COL5A1: variants seen among roughly 807,000 people sequenced by gnomAD.
COL5A1 encodes collagen alpha-1(V) chain.
In COL5A1, 16 loss-of-function variants were observed where a neutral mutation model predicts 263.7. That is an observed-to-expected ratio of 0.06 (90% confidence interval 0.04 to 0.09). The LOEUF is 0.09. COL5A1 is among the 10% of genes least tolerant of loss of function. The pLI, the probability that COL5A1 is intolerant of heterozygous loss-of-function variation, is 1.00. For missense variants in COL5A1, 2,036 were observed against 2,540.5 expected (o/e 0.80, Z 4.27); for synonymous variants, 1,012 against 1,004.5 (o/e 1.01, Z -0.14).
At position 134,715,874 on chromosome 9, in the gene COL5A1, ATC is replaced by A. The variant is rs563175460; in HGVS notation, c.655-11386_655-11385del. Among the ~76,000 whole-genome samples, 446 of 152,252 alleles carry A rather than the reference ATC, an allele frequency of 2.9e-3. 1 individual carries two copies. Among genetic ancestry groups the A allele is most frequent in the African/African-American group, 0.01 (432 of 41,552 alleles). On this transcript the variant is annotated intron_variant, in intron 4 of 65. Transcript: ENST00000371817. ...TCTACATAGACACAGCAACAGTCTG[ATC>A]TCTCTTTCTTTTCCCCACAATTCTG... is the stretch of plus-strand genomic sequence containing the variant.
intron 46 of COL5A1, among the ~76,000 whole-genome samples, chr9:134,811,957 C>T (rs896943077): frequency 1.1e-4 from 17 of 152,160 alleles, no homozygotes; most frequent in Admixed American, 7.9e-4. Context: ...TGCACAGAGG[C>T]GCATATGTAA....
intron 11 of COL5A1, among the ~76,000 whole-genome samples, chr9:134,744,364 TACATGCCCAC>T (rs1278715807): frequency 1.4e-5 from 2 of 146,278 alleles, no homozygotes; most frequent in Non-Finnish European, 3.0e-5. Flanking sequence ...CACTCATGCA[TACATGCCCAC>T]ACATGCATAC....
rs1417405355 is a variant in COL5A1, at chr9:134,772,736, G to T, written c.2287-54G>T. 3 of 1,582,348 alleles carry T rather than the reference G, an allele frequency of 1.9e-6. No homozygotes were observed. In the African/African-American group the frequency reaches 4.0e-5, roughly 21 times the overall value. ...TGCTACGCAGGGAGGGGAAGCGAGG[G>T]AGGCTGCTTTCTGGAGTGGCACTGA... On this transcript the variant is annotated intron_variant, in intron 25 of 65. Transcript: ENST00000371817.
rs776564144 is a variant in COL5A1, at chr9:134,815,581, A to C, written c.4020A>C (p.Pro1340=). 2 of 1,613,436 alleles carry C rather than the reference A, an allele frequency of 1.2e-6. No individual in the cohort carries two copies. The highest frequency in any genetic ancestry group is 2.7e-5 in the African/African-American group (2 of 74,870). The change falls in exon 51 of 66, where the codon CCA becomes CCC. Residue 1340 remains proline (P), a synonymous_variant. Transcript: ENST00000371817. ...GDDGPKGSPG[P]VGFPGDPGPP... Reference sequence around the variant, plus strand: ...TCCTTCTTTCTTCCTTTCAGGGCCCAGTGGGTTTTCCTGGAGATCCTGGCC... The same window carrying C: ...TCCTTCTTTCTTCCTTTCAGGGCCCCGTGGGTTTTCCTGGAGATCCTGGCC...
chr9:134,701,413 G>A (rs967732923), intron 4 of COL5A1, 80 bp downstream of exon 4: 13 of 1,449,736 alleles, frequency 9.0e-6, no homozygotes, highest in African/African-American at 1.4e-5. Context: ...GTTGGAGGAG[G>A]CTCCTCGGGC....
rs527378659 is a variant in COL5A1, at chr9:134,822,242, G to A, written c.4608+92G>A. ...CTCAGTGTGGAGCTAGAGAATTGTG[G>A]AAAAGTCACACGAGAAGCTGGAATT... On this transcript the variant is annotated intron_variant, in intron 59 of 65. Transcript: ENST00000371817. 5 of 1,143,452 alleles carry A rather than the reference G, an allele frequency of 4.4e-6. No individual in the cohort carries two copies. In the East Asian group the frequency reaches 9.4e-5, roughly 22 times the overall value. The allele number at this position is 1,143,452 out of a possible 1,614,324, so 70.8% of individuals were successfully genotyped here.
Position 134,642,444 on chromosome 9 carries a change from G to C in COL5A1, c.109+148G>C, listed in dbSNP as rs890112428. On this transcript the variant is annotated intron_variant, in intron 1 of 65. Coordinates refer to ENST00000371817, the MANE Select transcript of COL5A1 (RefSeq NM_000093.5). The surrounding 1 kb of genome is among the most constrained non-coding windows in gnomAD (Gnocchi z 4.5). ...AGACCACGAATGCCATTTGCTGGGGGCCCCCCCGAGATGACGACACGCAGA... is the reference window on the plus strand; with the variant it reads ...AGACCACGAATGCCATTTGCTGGGGCCCCCCCCGAGATGACGACACGCAGA... The C allele has an allele frequency of 5.2e-5, 8 of 153,940 alleles. No homozygotes were observed. Among genetic ancestry groups the C allele is most frequent in the Admixed American group, 1.3e-4 (2 of 15,046 alleles). 9.5% of individuals were successfully genotyped at this position (153,940 alleles called of 1,614,324 possible).
intron 1 of COL5A1, among the ~76,000 whole-genome samples, chr9:134,675,354 TA>T (rs34146115): frequency 4.1e-4 from 63 of 151,956 alleles, no homozygotes; most frequent in African/African-American, 1.4e-3. Flanking sequence ...ATTGGTCACT[TA>T]AAAAAAAATT....
At chr9:134,799,030 C>G (rs1212837988) in intron 37 of COL5A1, among the ~76,000 whole-genome samples, 2 of 152,282 alleles carry the variant, frequency 1.3e-5, no homozygotes, top group South Asian at 4.1e-4. Flanking sequence ...TGCAATGTCC[C>G]TTTTTACACT....
At position 134,681,256 on chromosome 9, in the gene COL5A1, C is replaced by T. The variant is rs961492841; in HGVS notation, c.110-9656C>T. The stretch of plus-strand genomic sequence containing the variant: ...GCCCGGCCCTTCAAGAACTGTGGCT[C>T]TCTGGCTTCCAGGAAATACAGGAAG... On this transcript the variant is annotated intron_variant, in intron 1 of 65. Coordinates refer to ENST00000371817, the MANE Select transcript of COL5A1 (RefSeq NM_000093.5). The surrounding 1 kb of genome is among the most constrained non-coding windows in gnomAD (Gnocchi z 4.3). 1.6e-4 allele frequency among the ~76,000 whole-genome samples: 25 copies of T among 152,206 alleles called. No homozygotes were observed. Among genetic ancestry groups the T allele is most frequent in the Non-Finnish European group, 5.9e-5 (4 of 68,038 alleles).
At chr9:134,820,998 G>A (rs1162558734) in intron 58 of COL5A1, among the ~76,000 whole-genome samples, 2 of 152,190 alleles carry the variant, frequency 1.3e-5, no homozygotes, top group African/African-American at 2.4e-5. Context: ...TGGGAGTAAG[G>A]TGGCACCCTC....
chr9:134,685,434 CCATCCATTGTCCAT>C (rs1833016077), intron 1 of COL5A1, among the ~76,000 whole-genome samples: 1 of 59,212 alleles, frequency 1.7e-5, no homozygotes, highest in Non-Finnish European at 3.8e-5. Flanking sequence ...ATCCATCCAT[CCATCCATTGTCCAT>C]CATCCATCCA....
chr9:134,735,854 C>T (rs887124731), intron 9 of COL5A1, among the ~76,000 whole-genome samples: 14 of 152,268 alleles, frequency 9.2e-5, no homozygotes, highest in African/African-American at 3.4e-4. Flanking sequence ...TGTGTAAACA[C>T]AGTGCAGAGC....
At chr9:134,663,793 A>G (rs958851756) in intron 1 of COL5A1, among the ~76,000 whole-genome samples, 1 of 152,194 alleles carries the variant, frequency 6.6e-6, no homozygotes. Flanking sequence ...ATTCTCTTTC[A>G]TTCACGACAG....
At chr9:134,706,771 C>A (rs950547334) in intron 4 of COL5A1, among the ~76,000 whole-genome samples, 2 of 152,254 alleles carry the variant, frequency 1.3e-5, no homozygotes, top group African/African-American at 4.8e-5. Context: ...CCTCCCCGCA[C>A]AGGCCCTGAG....
intron 19 of COL5A1, among the ~76,000 whole-genome samples, chr9:134,763,332 C>G (rs1197775878): frequency 6.6e-6 from 1 of 152,224 alleles, no homozygotes; most frequent in Non-Finnish European, 1.5e-5. Context: ...AGAGGGTGGC[C>G]CAGGGGATCT....
chr9:134,771,214 C>T (rs1196949999), intron 25 of COL5A1, among the ~76,000 whole-genome samples: 1 of 152,238 alleles, frequency 6.6e-6, no homozygotes, highest in African/African-American at 2.4e-5. Flanking sequence ...TCTCGGCCCC[C>T]CTGCAGATCC....
chr9:134,822,221 GTGTGGA>G (rs1340107958), intron 59 of COL5A1, 71 bp downstream of exon 59: 9 of 1,284,172 alleles, frequency 7.0e-6, no homozygotes, highest in Non-Finnish European at 1.0e-5. Flanking sequence ...TGGGGCCTCA[GTGTGGA>G]GCTAGAGAAT....
intron 1 of COL5A1, among the ~76,000 whole-genome samples, chr9:134,672,198 A>G (rs1588424085): frequency 1.3e-5 from 2 of 152,254 alleles, no homozygotes; most frequent in South Asian, 2.1e-4. Context: ...CTAGATGCCA[A>G]TTGGCATTTA....
Sources: allele counts gnomAD v4.1 joint callset (sites outside exome capture counted in the v4.1 genomes callset), GRCh38; gene constraint gnomAD v4.1.1; non-coding constraint Gnocchi (gnomAD v3.1); transcripts MANE v1.5; gene names NCBI Gene and HGNC (gene_info 2026-07-23, HGNC 2026-07-21).